Variants in DAB1 observed in about 807,000 individuals in gnomAD.
The protein encoded by DAB1 is DAB adaptor protein 1, also known as disabled homolog 1.
DAB1 carries 15 observed loss-of-function variants against 64.6 expected under a neutral mutation model. The observed-to-expected ratio is 0.23, with a 90% CI of 0.16 to 0.36. The LOEUF (loss-of-function observed/expected upper bound fraction) is 0.36, where lower values mean the gene tolerates loss of function less well. DAB1 is among the 10% of genes least tolerant of loss of function. The probability of loss-of-function intolerance (pLI) is 1.00; values close to 1 mark genes in which losing one functional copy is unlikely to be tolerated. For missense variants in DAB1, 596 were observed against 706.7 expected, an observed-to-expected ratio of 0.84 and a Z score of 1.78; for synonymous variants, 235 against 251.9, an observed-to-expected ratio of 0.93 and a Z score of 0.64.
intron 2 of DAB1, among the ~76,000 whole-genome samples, chr1:58,511,510 C>T (rs543649773): frequency 2.6e-5 from 4 of 152,104 alleles, no homozygotes; most frequent in Admixed American, 6.5e-5. Flanking sequence ...TGATGGTACA[C>T]ACCTGTGCAC....
intron 7 of DAB1, among the ~76,000 whole-genome samples, chr1:57,464,639 G>A (rs1204233763): frequency 6.6e-6 from 1 of 152,126 alleles, no homozygotes; most frequent in Non-Finnish European, 1.5e-5. Flanking sequence ...AAAGAAGGGG[G>A]AAAAGGTATA....
chr1:57,274,777 T>A (rs1278617410), intron 2 of DAB1, among the ~76,000 whole-genome samples: 1 of 152,144 alleles, frequency 6.6e-6, no homozygotes, highest in Non-Finnish European at 1.5e-5. Flanking sequence ...AGATGGGGTC[T>A]CACCATGTTG....
intron 1 of DAB1, among the ~76,000 whole-genome samples, chr1:57,369,568 A>C (rs1278422824): frequency 6.6e-6 from 1 of 152,216 alleles, no homozygotes; most frequent in African/African-American, 2.4e-5. Flanking sequence ...TATGATGCAG[A>C]AAAAACAACT....
At chr1:58,225,615 G>T (rs551650399) in intron 4 of DAB1, among the ~76,000 whole-genome samples, 2 of 149,118 alleles carry the variant, frequency 1.3e-5, no homozygotes, top group South Asian at 4.3e-4. Flanking sequence ...GTATACATCA[G>T]GGAATACTAT....
intron 4 of DAB1, among the ~76,000 whole-genome samples, chr1:58,184,939 A>C (rs1208273736): frequency 6.6e-6 from 1 of 152,190 alleles, no homozygotes; most frequent in Non-Finnish European, 1.5e-5. Context: ...CTAAGGGAAC[A>C]GTCAAAGAGA....
At chr1:57,000,235 A>G (rs1645805336) in intron 14 of DAB1, among the ~76,000 whole-genome samples, 1 of 152,010 alleles carries the variant, frequency 6.6e-6, no homozygotes, top group East Asian at 1.9e-4. Context: ...TAGTACAGAC[A>G]GGGTTTCACT....
chr1:57,043,058 C>T (rs1284096170), intron 9 of DAB1, among the ~76,000 whole-genome samples: 1 of 152,114 alleles, frequency 6.6e-6, no homozygotes, highest in African/African-American at 2.4e-5. Context: ...CCCTCCTAGC[C>T]CTACTAATAT....
chr1:57,582,466 T>C (rs1645325137), intron 7 of DAB1, among the ~76,000 whole-genome samples: 1 of 152,076 alleles, frequency 6.6e-6, no homozygotes, highest in African/African-American at 2.4e-5. Context: ...CAAGATGAGA[T>C]TTGGGTGGGG....
At chr1:57,393,852 T>A (rs1400596289) in intron 1 of DAB1, among the ~76,000 whole-genome samples, 1 of 152,090 alleles carries the variant, frequency 6.6e-6, no homozygotes, top group Non-Finnish European at 1.5e-5. Flanking sequence ...TCCTGCCGGG[T>A]CAAAAATATT....
At chr1:57,756,698 T>G (rs1206412168) in intron 6 of DAB1, among the ~76,000 whole-genome samples, 1 of 152,008 alleles carries the variant, frequency 6.6e-6, no homozygotes, top group Non-Finnish European at 1.5e-5. Context: ...GATAACAGCT[T>G]CTACTAGGGT....
At chr1:57,356,818 A>T (rs1459547138) in intron 1 of DAB1, among the ~76,000 whole-genome samples, 1 of 152,050 alleles carries the variant, frequency 6.6e-6, no homozygotes, top group Non-Finnish European at 1.5e-5. Flanking sequence ...CTGCTTGGAA[A>T]TTAACTGCCT....
intron 7 of DAB1, among the ~76,000 whole-genome samples, chr1:57,510,848 G>A (rs917581846): frequency 7.9e-5 from 12 of 152,060 alleles, no homozygotes; most frequent in Admixed American, 3.3e-4. Context: ...ATGTGGTCAC[G>A]GCTCACTGCA....
chr1:58,519,312 T>A (rs377496767), intron 2 of DAB1, among the ~76,000 whole-genome samples: 74 of 152,292 alleles, frequency 4.9e-4, no homozygotes, highest in African/African-American at 1.8e-3. Flanking sequence ...AGGCATGAAA[T>A]GTATAGTAAT....
intron 1 of DAB1, among the ~76,000 whole-genome samples, chr1:57,311,428 T>A (rs1316282905): frequency 8.1e-6 from 1 of 123,046 alleles, no homozygotes; most frequent in African/African-American, 3.5e-5. Flanking sequence ...AAGCTTAGAA[T>A]GTGAAAATGA....
chr1:57,436,991 G>A lies in DAB1; in HGVS notation n.626-145825C>T, dbSNP rs1370780231. 2.2e-5 allele frequency among the ~76,000 whole-genome samples: 3 copies of A among 135,446 alleles called. No individual in the cohort carries two copies. The Admixed American group carries it at 2.5e-4, about 11-fold the overall frequency. 88.9% of individuals were successfully genotyped at this position (135,446 alleles called of 152,430 possible). A position where few individuals can be genotyped will look rare whatever the true frequency, so the allele number is the denominator to read the frequency against. On this transcript the variant is annotated intron_variant and non_coding_transcript_variant, in intron 7 of 20. Transcript: ENST00000485760. ...TGCAGTGAGCCTAGATCACACCACT[G>A]CACTCCAGCACTCCAGCTTGGGTGA...
chr1:56,999,361 G>A (rs536473748), intron 14 of DAB1, among the ~76,000 whole-genome samples: 1 of 152,268 alleles, frequency 6.6e-6, no homozygotes, highest in East Asian at 1.9e-4. Flanking sequence ...AGGGTCCAGG[G>A]GCCAGTGCTT....
At chr1:57,179,185 G>T (rs1024108029) in intron 2 of DAB1, among the ~76,000 whole-genome samples, 1 of 151,824 alleles carries the variant, frequency 6.6e-6, no homozygotes, top group African/African-American at 2.4e-5. Flanking sequence ...TAGGAAAGAG[G>T]TCTACACACC....
chr1:57,703,567 A>T (rs1257213794), intron 6 of DAB1, among the ~76,000 whole-genome samples: 4 of 152,214 alleles, frequency 2.6e-5, no homozygotes, highest in African/African-American at 9.6e-5. Flanking sequence ...GAGAAAAAGG[A>T]ACACTTATAC....
intron 7 of DAB1, among the ~76,000 whole-genome samples, chr1:57,535,146 T>C (rs765413866): frequency 4.6e-5 from 7 of 152,166 alleles, no homozygotes; most frequent in Non-Finnish European, 1.0e-4. Flanking sequence ...TGCATTAATT[T>C]CCTAACCTCT....
Sources: gnomAD v4.1 joint callset for allele counts (sites outside exome capture counted in the v4.1 genomes callset) on GRCh38, gnomAD v4.1.1 for gene constraint, MANE v1.5 for transcripts, NCBI Gene and HGNC (gene_info 2026-07-23, HGNC 2026-07-21) for gene names.